Variants in PLSCR2 observed in about 807,000 individuals in gnomAD.
The protein encoded by PLSCR2 is PL scramblase 2.
In PLSCR2, 18 loss-of-function variants were observed where a neutral mutation model predicts 25.3. The observed-to-expected ratio is 0.71, with a 90% CI of 0.49 to 1.06. PLSCR2 has a LOEUF of 1.06. Among genes scored for constraint, PLSCR2 ranks in the 50% least tolerant of loss-of-function variants. The pLI is 0.00. For missense variants in PLSCR2, 243 were observed against 269.5 expected (o/e 0.90, Z 0.69); for synonymous variants, 88 against 87.3 (o/e 1.01, Z -0.04).
At chr3:146,453,506 A>G (rs1023051949) in intron 5 of PLSCR2, among the ~76,000 whole-genome samples, 1 of 152,092 alleles carries the variant, frequency 6.6e-6, no homozygotes, top group Admixed American at 6.6e-5. Flanking sequence ...TAAAGAAGAG[A>G]CCACAGAGAA....
intron 1 of PLSCR2, among the ~76,000 whole-genome samples, chr3:146,477,838 G>A (rs1009925432): frequency 1.1e-4 from 17 of 152,212 alleles, no homozygotes; most frequent in African/African-American, 4.1e-4. Flanking sequence ...AGTAGGGGCT[G>A]ACACACACCT....
At chr3:146,426,690 T>C (rs2039366214) in intron 2 of PLSCR2, among the ~76,000 whole-genome samples, 2 of 152,206 alleles carry the variant, frequency 1.3e-5, no homozygotes, top group Admixed American at 1.3e-4. Context: ...TAAATATTAT[T>C]TAGTACTTTA....
intron 2 of PLSCR2, among the ~76,000 whole-genome samples, chr3:146,414,924 G>A (rs966460201): frequency 6.6e-6 from 1 of 152,154 alleles, no homozygotes; most frequent in Non-Finnish European, 1.5e-5. Flanking sequence ...CCTGCAGCCA[G>A]TATTTTTTCC....
intron 2 of PLSCR2, among the ~76,000 whole-genome samples, chr3:146,402,043 T>C (rs897839918): frequency 1.3e-5 from 2 of 152,010 alleles, no homozygotes; most frequent in Non-Finnish European, 2.9e-5. Flanking sequence ...TATTATCTTT[T>C]GTTTTAATAA....
Position 146,488,659 on chromosome 3 carries a change from A to G in PLSCR2, c.-293+7236T>C, listed in dbSNP as rs114147909. 3.5e-3 allele frequency among the ~76,000 whole-genome samples: 527 copies of G among 152,248 alleles called. 5 individuals carry two copies. The highest frequency in any genetic ancestry group is 0.012 in the African/African-American group (508 of 41,558). On this transcript the variant is annotated intron_variant, in intron 1 of 8. Transcript: ENST00000336685. ...ATGCCAGTCAGAATGATTACTGAAA[A>G]GTCAAGAAACAATGGATGCTGGCGA...
chr3:146,443,905 A>G (rs2040396636), intron 6 of PLSCR2, among the ~76,000 whole-genome samples: 2 of 151,642 alleles, frequency 1.3e-5, no homozygotes. Context: ...ATTGCTATAA[A>G]CTTTCTTCTT....
chr3:146,483,477 GTGTATATATA>G (rs1288728170), intron 1 of PLSCR2, among the ~76,000 whole-genome samples: 3 of 29,270 alleles, frequency 1.0e-4, no homozygotes, highest in African/African-American at 6.3e-4. Context: ...ATATATACAT[GTGTATATATA>G]TATATATATA....
chr3:146,416,125 T>G (rs2038999528), intron 2 of PLSCR2, among the ~76,000 whole-genome samples: 1 of 152,076 alleles, frequency 6.6e-6, no homozygotes, highest in African/African-American at 2.4e-5. Context: ...TAATTTTTTG[T>G]ATTTTTAGTA....
chr3:146,413,748 T>C (rs1214991431), intron 2 of PLSCR2, among the ~76,000 whole-genome samples: 1 of 152,250 alleles, frequency 6.6e-6, no homozygotes, highest in African/African-American at 2.4e-5. Flanking sequence ...GACTTCCTTA[T>C]AGCTATTCTC....
downstream of PLSCR2, among the ~76,000 whole-genome samples, chr3:146,437,667 T>C (rs1360777936): frequency 2.0e-5 from 3 of 152,178 alleles, no homozygotes; most frequent in African/African-American, 7.2e-5. Flanking sequence ...CTCTCTTTTC[T>C]TCTTTATTAG....
At chr3:146,468,027 C>T (rs1402584944) in intron 1 of PLSCR2, among the ~76,000 whole-genome samples, 2 of 152,170 alleles carry the variant, frequency 1.3e-5, no homozygotes, top group African/African-American at 4.8e-5. Flanking sequence ...AAGGCCAGAG[C>T]TTGGTTTGTC....
chr3:146,462,496 C>A (rs1409905243), upstream of PLSCR2, among the ~76,000 whole-genome samples: 1 of 149,300 alleles, frequency 6.7e-6, no homozygotes, highest in Non-Finnish European at 1.5e-5. Context: ...ATGGAGTCTC[C>A]CTCTGTCACC....
At chr3:146,437,196 T>A (rs928496543), downstream of PLSCR2, among the ~76,000 whole-genome samples, 1 of 152,126 alleles carries the variant, frequency 6.6e-6, no homozygotes, top group East Asian at 1.9e-4. Context: ...CATTGAGGAT[T>A]TTTGCACTGA....
chr3:146,441,612 G>C (rs1460786345), downstream of PLSCR2: 7 of 436,258 alleles, frequency 1.6e-5, no homozygotes, highest in Non-Finnish European at 2.5e-5. Flanking sequence ...AATTTGAAAA[G>C]TGAAATTATA....
chr3:146,449,226 T>G, exon 6 of PLSCR2: 1 of 1,612,792 alleles, frequency 6.2e-7, no homozygotes, highest in Non-Finnish European at 8.5e-7. Flanking sequence ...CAGGCACCAA[T>G]CATCACGGCT....
intron 6 of PLSCR2, 50 bp downstream of exon 6, chr3:146,449,156 A>C: frequency 7.8e-7 from 1 of 1,286,108 alleles, no homozygotes; most frequent in Non-Finnish European, 1.1e-6. Flanking sequence ...GTATTTCAGA[A>C]TGATTCTAGA....
At chr3:146,455,163 A>G in intron 4 of PLSCR2, 76 bp downstream of exon 4, 1 of 946,964 alleles carries the variant, frequency 1.1e-6, no homozygotes, top group Non-Finnish European at 1.7e-6. Flanking sequence ...ATTTCATTTG[A>G]TTATACAGAT....
chr3:146,478,799 C>T (rs2108521825), intron 1 of PLSCR2, among the ~76,000 whole-genome samples: 1 of 152,294 alleles, frequency 6.6e-6, no homozygotes, highest in South Asian at 2.1e-4. Flanking sequence ...TTGTCAGATT[C>T]ACCAAGGTTG....
At chr3:146,393,988 T>C (rs1177012589) in intron 3 of PLSCR2, among the ~76,000 whole-genome samples, 1 of 152,068 alleles carries the variant, frequency 6.6e-6, no homozygotes, top group Admixed American at 6.6e-5. Flanking sequence ...CTTGTCTCTA[T>C]ATTTTGAAGT....
Sources: gnomAD v4.1 joint callset for allele counts (sites outside exome capture counted in the v4.1 genomes callset) on GRCh38, gnomAD v4.1.1 for gene constraint, MANE v1.5 for transcripts, NCBI Gene and HGNC (gene_info 2026-07-23, HGNC 2026-07-21) for gene names.